The following IQCH variants were observed in gnomAD, a reference collection of about 807,000 sequenced individuals.
IQCH encodes IQ motif containing H.
Under a neutral mutation model 117.0 loss-of-function variants are expected in IQCH, and 98 were observed. The ratio of observed to expected loss-of-function variants is 0.84; its 90% CI spans 0.71 to 0.99. IQCH has a LOEUF of 0.99. Among genes scored for constraint, IQCH ranks in the 50% least tolerant of loss-of-function variants. IQCH has a pLI of 0.00. For synonymous variants in IQCH, 412 were observed against 448.2 expected, an observed-to-expected ratio of 0.92 and a Z score of 1.02; for missense variants, 1,102 against 1,243.8, an observed-to-expected ratio of 0.89 and a Z score of 1.72.
At chr15:67,309,565 G>T (rs1373439653) in intron 4 of IQCH, among the ~76,000 whole-genome samples, 1 of 151,968 alleles carries the variant, frequency 6.6e-6, no homozygotes, top group Non-Finnish European at 1.5e-5. Context: ...TAATGATTTT[G>T]CTGGCTCCTA....
Position 67,369,673 on chromosome 15 carries a change from G to A in IQCH, c.754-2438G>A, listed in dbSNP as rs979581155. On this transcript the variant is annotated intron_variant, in intron 8 of 20. Coordinates refer to ENST00000335894, the MANE Select transcript of IQCH (RefSeq NM_001031715.3). The surrounding 1 kb of genome is among the most constrained non-coding windows in gnomAD (Gnocchi z 5.2). ...CAGAGATAATAAAGAATAACAGAAT[G>A]AGCCAGAACCTGAAGCATGGCATGA... Among the ~76,000 whole-genome samples, 8 of 152,180 alleles carry A rather than the reference G, an allele frequency of 5.3e-5. 1 individual carries two copies. The highest frequency in any genetic ancestry group is 2.6e-4 in the Admixed American group (4 of 15,272).
intron 18 of IQCH, among the ~76,000 whole-genome samples, chr15:67,482,460 AT>A (rs1412156296): frequency 1.3e-5 from 2 of 152,244 alleles, no homozygotes; most frequent in Non-Finnish European, 2.9e-5. Context: ...TCTAGAAGAT[AT>A]CATGGATCAC....
At chr15:67,442,044 A>G (rs905899997) in intron 16 of IQCH, among the ~76,000 whole-genome samples, 2 of 152,208 alleles carry the variant, frequency 1.3e-5, no homozygotes, top group African/African-American at 4.8e-5. Flanking sequence ...TAAGAAAAAA[A>G]CAATCCCATC....
At chr15:67,329,872 ATGTGTG>A (rs145137972) in intron 4 of IQCH, among the ~76,000 whole-genome samples, 3 of 151,670 alleles carry the variant, frequency 2.0e-5, no homozygotes, top group Admixed American at 6.6e-5. Context: ...TGAATTATAT[ATGTGTG>A]TGTGTGTGTC....
At chr15:67,304,559 C>G (rs1967208154) in intron 4 of IQCH, 1 of 530,124 alleles carries the variant, frequency 1.9e-6, no homozygotes, top group African/African-American at 2.0e-5. Flanking sequence ...GATTGTGATC[C>G]TTTTGTCTTT....
chr15:67,321,316 CTG>C, intron 4 of IQCH, among the ~76,000 whole-genome samples: 1 of 152,242 alleles, frequency 6.6e-6, no homozygotes, highest in South Asian at 2.1e-4. Flanking sequence ...TTCTTTAAGT[CTG>C]TGTTCACAAT....
At chr15:67,483,666 C>A (rs2083397506) in intron 18 of IQCH, among the ~76,000 whole-genome samples, 1 of 152,118 alleles carries the variant, frequency 6.6e-6, no homozygotes, top group Non-Finnish European at 1.5e-5. Context: ...ACCTCGTGAT[C>A]CGCCCGCCTC....
Position 67,395,909 on chromosome 15 carries a change from A to T in IQCH, c.1905+346A>T, listed in dbSNP as rs888302047. 6.6e-6 allele frequency among the ~76,000 whole-genome samples: 1 copy of T among 151,828 alleles called. No individual in the cohort carries two copies. The highest frequency in any genetic ancestry group is 1.5e-5 in the Non-Finnish European group (1 of 67,968). ...GGTCTCGAACTCCTGACCTCTAGTG[A>T]TCTGCCCACCTCAGCCTCCCAAAGT... On this transcript the variant is annotated intron_variant, in intron 13 of 20. Transcript: ENST00000335894. The surrounding 1 kb of genome is among the most constrained non-coding windows in gnomAD (Gnocchi z 4.0).
At chr15:67,347,201 T>C (rs916892725) in intron 6 of IQCH, among the ~76,000 whole-genome samples, 2 of 118,706 alleles carry the variant, frequency 1.7e-5, no homozygotes, top group Non-Finnish European at 3.6e-5. Flanking sequence ...AAATGGAAAA[T>C]AGAAAAAAAA....
At chr15:67,389,122 G>C (rs1031049242) in intron 12 of IQCH, 116 bp downstream of exon 12, 1 of 774,724 alleles carries the variant, frequency 1.3e-6, no homozygotes, top group Non-Finnish European at 2.1e-6. Context: ...AAGTTTAACA[G>C]CTTTACTGAT....
chr15:67,313,321 T>C (rs1350216636), intron 4 of IQCH, among the ~76,000 whole-genome samples: 1 of 152,098 alleles, frequency 6.6e-6, no homozygotes, highest in Non-Finnish European at 1.5e-5. Context: ...CAAGTTAACA[T>C]AGGTATACCA....
intron 16 of IQCH, among the ~76,000 whole-genome samples, chr15:67,428,659 A>G (rs2140936601): frequency 6.6e-6 from 1 of 152,072 alleles, no homozygotes; most frequent in African/African-American, 2.4e-5. Flanking sequence ...GACAAGCCTG[A>G]CCAATATGGT....
chr15:67,417,157 G>C lies in IQCH; in HGVS notation c.2218+106G>C. On this transcript the variant is annotated intron_variant, in intron 15 of 20. Transcript: ENST00000335894. This position sits in a 1 kb window ranked among gnomAD's most constrained non-coding sequence, Gnocchi z 4.3. ...TAAATACTTTGCATCTCCTGTGTTG[G>C]TTTAGAAAAGTGCTCCTACGGTTTT... The C allele has an allele frequency of 1.0e-5, 9 of 902,146 alleles. No homozygotes were observed. The highest frequency in any genetic ancestry group is 1.3e-5 in the Non-Finnish European group (8 of 633,120). 55.9% of individuals were successfully genotyped at this position (902,146 alleles called of 1,614,324 possible). A position where few individuals can be genotyped will look rare whatever the true frequency, so the allele number is the denominator to read the frequency against.
chr15:67,314,377 G>T (rs1280874091), intron 4 of IQCH, among the ~76,000 whole-genome samples: 3 of 150,052 alleles, frequency 2.0e-5, no homozygotes. Context: ...CAACTCCCTT[G>T]TCTTCCCAAT....
chr15:67,267,897 T>G (rs1264844438), intron 3 of IQCH, among the ~76,000 whole-genome samples: 1 of 152,252 alleles, frequency 6.6e-6, no homozygotes, highest in African/African-American at 2.4e-5. Flanking sequence ...ATTGTCATCC[T>G]TATCAAGATC....
intron 8 of IQCH, among the ~76,000 whole-genome samples, chr15:67,367,400 G>C (rs150134693): frequency 6.6e-6 from 1 of 151,994 alleles, no homozygotes; most frequent in Non-Finnish European, 1.5e-5. Flanking sequence ...TTAGATGGGC[G>C]TCATGACATG....
intron 12 of IQCH, 32 bp downstream of exon 12, chr15:67,389,038 G>A: frequency 6.4e-7 from 1 of 1,550,718 alleles, no homozygotes; most frequent in African/African-American, 1.4e-5. Context: ...TATGGTTTCA[G>A]GGATGCAGTA....
intron 16 of IQCH, among the ~76,000 whole-genome samples, chr15:67,451,502 AG>A (rs1410441299): frequency 2.6e-5 from 4 of 152,124 alleles, no homozygotes; most frequent in Non-Finnish European, 4.4e-5. Context: ...ATTCAGGAGC[AG>A]GTTGTTCAGT....
chr15:67,352,476 C>T lies in IQCH; in HGVS notation c.638-4869C>T, dbSNP rs1969706046. 2.6e-5 allele frequency among the ~76,000 whole-genome samples: 4 copies of T among 151,974 alleles called. No individual in the cohort carries two copies. In the South Asian group the frequency reaches 8.3e-4, roughly 32 times the overall value. On this transcript the variant is annotated intron_variant, in intron 6 of 20. Transcript: ENST00000335894. ...CCCTAAATTATATTCTTTCAATTTC[C>T]ACTAGTACAAGCCTGTTTCTGCTGG...
Sources: allele counts gnomAD v4.1 joint callset (sites outside exome capture counted in the v4.1 genomes callset), GRCh38; gene constraint gnomAD v4.1.1; non-coding constraint Gnocchi (gnomAD v3.1); transcripts MANE v1.5; gene names NCBI Gene and HGNC (gene_info 2026-07-23, HGNC 2026-07-21).